Variants in HYAL1 observed in about 807,000 individuals in gnomAD.
HYAL1 encodes the protein hyaluronidase-1.
HYAL1 carries 21 observed loss-of-function variants against 28.8 expected under a neutral mutation model. That is an observed-to-expected ratio of 0.73 (90% CI 0.52 to 1.05). The LOEUF is 1.05. Among genes scored for constraint, HYAL1 ranks in the 50% least tolerant of loss-of-function variants. HYAL1 has a pLI of 0.00. For synonymous variants in HYAL1, 200 were observed against 230.1 expected (o/e 0.87, Z 1.18); for missense variants, 491 against 579.2 (o/e 0.85, Z 1.56).
intron 1 of HYAL1, among the ~76,000 whole-genome samples, chr3:50,310,406 G>C (rs1384250143): frequency 6.7e-6 from 1 of 149,510 alleles, no homozygotes; most frequent in Non-Finnish European, 1.5e-5. Context: ...TGGGACTACA[G>C]GCAACCACCA....
At position 50,299,944 on chromosome 3, in the gene HYAL1, G is replaced by C. The variant is rs782198562; in HGVS notation, c.*539C>G. ...ACTGGTGCCTCTCAGCAGATTCAGG[G>C]GTCGTGCAGGGCTGGTTACCACAAA... On this transcript the variant is annotated 3_prime_UTR_variant, in exon 4 of 4. Transcript: ENST00000395144. The C allele has an allele frequency of 2.1e-5, 4 of 189,756 alleles. No individual in the cohort carries two copies. Among genetic ancestry groups the C allele is most frequent in the Non-Finnish European group, 4.5e-5 (4 of 88,726 alleles). 11.8% of individuals were successfully genotyped at this position (189,756 alleles called of 1,614,324 possible).
Position 50,300,608 on chromosome 3 carries a change from C to T in HYAL1, c.1183G>A (p.Gly395Ser). Reference protein sequence around the residue: ...ASFSIQLTPGGGPLSLRGALS... With the variant: ...ASFSIQLTPGSGPLSLRGALS... ...GCACCCCGCAGGCTCAGGGGCCCACCACCAGGCGTGAGCTGGATGGAGAAA... is the reference window on the plus strand; with the variant it reads ...GCACCCCGCAGGCTCAGGGGCCCACTACCAGGCGTGAGCTGGATGGAGAAA... The change falls in exon 4 of 4, where the codon GGT (glycine) becomes AGT (serine). Residue 395 changes from glycine (G) to serine (S), a missense_variant. By Grantham distance (56) the Gly-to-Ser change is moderately conservative. Transcript: ENST00000395144. The T allele has an allele frequency of 6.2e-7, 1 of 1,614,220 alleles. No homozygotes were observed. The highest frequency in any genetic ancestry group is 8.5e-7 in the Non-Finnish European group (1 of 1,180,040).
chr3:50,307,680 GAA>G (rs1160592800), upstream of HYAL1, among the ~76,000 whole-genome samples: 4,490 of 23,500 alleles, frequency 0.19, 16 homozygotes, highest in Non-Finnish European at 0.23. Context: ...GACTCCATCT[GAA>G]AAAAAAAAAA....
Position 50,300,755 on chromosome 3 carries a change from G to T in HYAL1, c.1036C>A (p.Pro346Thr). 6.2e-7 allele frequency: 1 copy of T among 1,614,008 alleles called. No homozygotes were observed. The highest frequency in any genetic ancestry group is 1.1e-5 in the South Asian group (1 of 91,054). ...IKEYMDTTLGPFILNVTSGAL... is the reference protein window; with the variant it reads ...IKEYMDTTLGTFILNVTSGAL... ...CCACTGGTCACGTTCAGGATGAAGG[G>T]CCCCAGTGTAGTGTCCATATACTCC... is the stretch of plus-strand genomic sequence containing the variant. Residue 346 changes from proline to threonine, a missense_variant, in exon 4 of 4, where the codon CCC (proline) becomes ACC (threonine). Transcript: ENST00000395144.
At chr3:50,306,306 T>C (rs1196418225), upstream of HYAL1, among the ~76,000 whole-genome samples, 1 of 145,628 alleles carries the variant, frequency 6.9e-6, no homozygotes, top group East Asian at 2.1e-4. Context: ...GGAAGGCAGG[T>C]AACTCCTTTA....
upstream of HYAL1, among the ~76,000 whole-genome samples, chr3:50,304,312 T>A (rs868972590): frequency 8.3e-3 from 527 of 63,764 alleles, 7 homozygotes; most frequent in African/African-American, 0.012. Flanking sequence ...TATATATATA[T>A]ATATATATAT....
chr3:50,308,091 G>A (rs1206349078), upstream of HYAL1, among the ~76,000 whole-genome samples: 7 of 150,866 alleles, frequency 4.6e-5, no homozygotes, highest in Non-Finnish European at 1.0e-4. Context: ...CACCGTGCCC[G>A]GCCAAAAACC....
chr3:50,304,669 A>G (rs1399552311), upstream of HYAL1, among the ~76,000 whole-genome samples: 1 of 152,054 alleles, frequency 6.6e-6, no homozygotes, highest in African/African-American at 2.4e-5. Context: ...TTAGTGGATA[A>G]GTCATCCCTG....
chr3:50,306,904 C>T (rs1484950531), upstream of HYAL1, among the ~76,000 whole-genome samples: 3 of 149,962 alleles, frequency 2.0e-5, no homozygotes, highest in Non-Finnish European at 3.0e-5. Context: ...ACAACAACAA[C>T]AACAAAAACA....
chr3:50,306,026 G>C (rs1225702524), upstream of HYAL1, among the ~76,000 whole-genome samples: 1 of 151,210 alleles, frequency 6.6e-6, no homozygotes, highest in Non-Finnish European at 1.5e-5. Flanking sequence ...TTCACATTTG[G>C]TAACTATGGA....
Position 50,300,651 on chromosome 3 carries a change from G to A in HYAL1, c.1140C>T (p.Leu380=). 6.2e-7 allele frequency: 1 copy of A among 1,614,084 alleles called. No homozygotes were observed. The highest frequency in any genetic ancestry group is 1.7e-5 in the Admixed American group (1 of 59,986). ...TGGAGAAACTGGCAGGGTTAAGGAG[G>A]AGGAGGGCTTTGGGGTGGCTGGTGC... ...VRRTSHPKAL[L]LLNPASFSIQ... Residue 380 remains leucine (L), a synonymous_variant, in exon 4 of 4, where the codon CTC becomes CTT. Coordinates refer to ENST00000395144, the MANE Select transcript of HYAL1 (RefSeq NM_033159.4).
Position 50,302,214 on chromosome 3 carries a change from A to G in HYAL1, c.743T>C (p.Met248Thr). The change falls in exon 2 of 4, where the codon ATG (methionine) becomes ACG (threonine). Residue 248 changes from methionine (M) to threonine (T), a missense_variant. Physicochemically the swap from Met to Thr is moderately conservative, Grantham distance 81. Transcript: ENST00000395144. The surrounding 1 kb of genome is among the most constrained non-coding windows in gnomAD (Gnocchi z 5.0). Reference protein sequence around the residue: ...QSRALYPSIYMPAVLEGTGKS... With the variant: ...QSRALYPSIYTPAVLEGTGKS... ...CCCTGTGCCCTCCAGCACTGCGGGC[A>G]TGTAGATGCTGGGATAGAGGGCACG... 6.2e-7 allele frequency: 1 copy of G among 1,614,110 alleles called. No homozygotes were observed. The highest frequency in any genetic ancestry group is 8.5e-7 in the Non-Finnish European group (1 of 1,180,024).
upstream of HYAL1, among the ~76,000 whole-genome samples, chr3:50,304,296 A>AAAAATATATAT (rs1553713686): frequency 6.6e-5 from 2 of 30,478 alleles, no homozygotes; most frequent in Admixed American, 1.3e-3. Context: ...AAAAAAAAAA[A>AAAAATATATAT]ATATATATAT....
chr3:50,305,144 ATCTG>A (rs758813217), upstream of HYAL1, among the ~76,000 whole-genome samples: 7 of 152,154 alleles, frequency 4.6e-5, no homozygotes, highest in Non-Finnish European at 1.0e-4. Context: ...GAATGCAACC[ATCTG>A]TCTGTCACCT....
chr3:50,302,585 C>T lies in HYAL1; in HGVS notation c.372G>A (p.Gly124=), dbSNP rs782078922. The change falls in exon 2 of 4, where the codon GGG becomes GGA. Residue 124 remains glycine, a synonymous_variant. Transcript: ENST00000395144. This position sits in a 1 kb window ranked among gnomAD's most constrained non-coding sequence, Gnocchi z 5.0. ...ATGCCTCCCAGTCGATGACTGCCAG[C>T]CCTGAGAAGTCAGGAGCAGGTATGG... ...LAAIPAPDFS[G]LAVIDWEAWR... 1 of 1,614,194 alleles carries T rather than the reference C, an allele frequency of 6.2e-7. No individual in the cohort carries two copies. The highest frequency in any genetic ancestry group is 8.5e-7 in the Non-Finnish European group (1 of 1,180,030).
At chr3:50,311,321 C>T (rs1702446677) in intron 1 of HYAL1, among the ~76,000 whole-genome samples, 1 of 138,556 alleles carries the variant, frequency 7.2e-6, no homozygotes, top group Non-Finnish European at 1.6e-5. Context: ...GGGGGCTGAC[C>T]CCCCCACCTC....
intron 1 of HYAL1, among the ~76,000 whole-genome samples, chr3:50,312,063 G>A (rs1290377608): frequency 6.4e-5 from 9 of 140,554 alleles, no homozygotes; most frequent in African/African-American, 1.8e-4. Context: ...CTGGCCGGGC[G>A]GGGGGCTGAC....
chr3:50,300,308 C>T lies in HYAL1; in HGVS notation c.*175G>A, dbSNP rs1702067313. ...TCTGCTGTGGTTCTAACTCCTTATG[C>T]CACTATTCCAGTCTGTAAGTATGCA... On this transcript the variant is annotated 3_prime_UTR_variant, in exon 4 of 4. Coordinates refer to ENST00000395144, the MANE Select transcript of HYAL1 (RefSeq NM_033159.4). The T allele has an allele frequency of 1.5e-6, 1 of 684,048 alleles. No homozygotes were observed. The highest frequency in any genetic ancestry group is 2.1e-5 in the Admixed American group (1 of 47,608). 42.4% of individuals were successfully genotyped at this position (684,048 alleles called of 1,614,324 possible).
chr3:50,302,586 C>T lies in HYAL1; in HGVS notation c.371G>A (p.Gly124Glu). 1 of 1,614,174 alleles carries T rather than the reference C, an allele frequency of 6.2e-7. No individual in the cohort carries two copies. Among genetic ancestry groups the T allele is most frequent in the Non-Finnish European group, 8.5e-7 (1 of 1,180,030 alleles). The change falls in exon 2 of 4, where the codon GGG (glycine) becomes GAG (glutamate). Residue 124 changes from glycine (G) to glutamate (E), a missense_variant. Coordinates refer to ENST00000395144, the MANE Select transcript of HYAL1 (RefSeq NM_033159.4). This position sits in a 1 kb window ranked among gnomAD's most constrained non-coding sequence, Gnocchi z 5.0. ...LAAIPAPDFSGLAVIDWEAWR... is the reference protein window; with the variant it reads ...LAAIPAPDFSELAVIDWEAWR... Reference sequence around the variant, plus strand: ...TGCCTCCCAGTCGATGACTGCCAGCCCTGAGAAGTCAGGAGCAGGTATGGC... The same window carrying T: ...TGCCTCCCAGTCGATGACTGCCAGCTCTGAGAAGTCAGGAGCAGGTATGGC...
Sources: gnomAD v4.1 joint callset for allele counts (sites outside exome capture counted in the v4.1 genomes callset) on GRCh38, gnomAD v4.1.1 for gene constraint, Gnocchi (gnomAD v3.1) non-coding constraint, MANE v1.5 for transcripts, NCBI Gene and HGNC (gene_info 2026-07-23, HGNC 2026-07-21) for gene names.